ROBO1: variants seen among roughly 807,000 people sequenced by gnomAD.
The protein encoded by ROBO1 is roundabout guidance receptor 1, also known as roundabout homolog 1.
Under a neutral mutation model 195.9 loss-of-function variants are expected in ROBO1, and 149 were observed. That is an observed-to-expected ratio of 0.76 (90% confidence interval 0.67 to 0.87). ROBO1 has a LOEUF of 0.87. ROBO1 is among the 40% of genes least tolerant of loss of function. The probability of loss-of-function intolerance (pLI) is 0.00; values close to 1 mark genes in which losing one functional copy is unlikely to be tolerated. For synonymous variants in ROBO1, 816 were observed against 733.2 expected (o/e 1.11, Z -1.82); for missense variants, 1,933 against 2,068.3 (o/e 0.93, Z 1.27).
intron 2 of ROBO1, among the ~76,000 whole-genome samples, chr3:79,251,607 T>C (rs1397590617): frequency 6.6e-6 from 1 of 151,944 alleles, no homozygotes; most frequent in Non-Finnish European, 1.5e-5. Context: ...AAAAATTAGC[T>C]GGGCATGGTG....
chr3:79,223,312 CCT>C (rs2082173390), intron 2 of ROBO1, among the ~76,000 whole-genome samples: 1 of 152,068 alleles, frequency 6.6e-6, no homozygotes, highest in Admixed American at 6.6e-5. Flanking sequence ...TCTACGTTCC[CCT>C]CTTTTTCTTC....
Position 78,673,603 on chromosome 3 carries a change from TATAC to T in ROBO1, c.1343-3306_1343-3303del, listed in dbSNP as rs1553698999. On this transcript the variant is annotated intron_variant, in intron 10 of 30. Transcript: ENST00000464233. Reference sequence around the variant, plus strand: ...ATATATATATATATATATATATATATATACACACATATATTACAGCAGGGTTATA... The same window carrying T: ...ATATATATATATATATATATATATATACACATATATTACAGCAGGGTTATA... 9.7e-3 allele frequency among the ~76,000 whole-genome samples: 533 copies of T among 55,040 alleles called. 1 individual carries two copies. Among genetic ancestry groups the T allele is most frequent in the African/African-American group, 0.028 (383 of 13,552 alleles). The allele number at this position is 55,040 out of a possible 152,430, so 36.1% of individuals were successfully genotyped here. A position where few individuals can be genotyped will look rare whatever the true frequency, so the allele number is the denominator to read the frequency against.
At chr3:79,661,592 C>A (rs988696383) in intron 1 of ROBO1, among the ~76,000 whole-genome samples, 4 of 151,360 alleles carry the variant, frequency 2.6e-5, no homozygotes, top group Non-Finnish European at 5.9e-5. Context: ...TTCTTTCAAC[C>A]AAGTCGTCTT....
intron 4 of ROBO1, among the ~76,000 whole-genome samples, chr3:78,888,012 C>T (rs553746672): frequency 3.3e-5 from 5 of 152,216 alleles, no homozygotes; most frequent in Admixed American, 2.0e-4. Flanking sequence ...TCTTGTCTCA[C>T]GAGTGAAAAG....
intron 4 of ROBO1, among the ~76,000 whole-genome samples, chr3:78,860,139 G>GTAGA (rs766675007): frequency 0.28 from 40,191 of 141,756 alleles, 5,783 homozygotes; most frequent in African/African-American, 0.34. Flanking sequence ...AGGTAGATAG[G>GTAGA]TAGATAGATA....
At chr3:79,481,460 A>T (rs1938856091) in intron 2 of ROBO1, among the ~76,000 whole-genome samples, 1 of 152,176 alleles carries the variant, frequency 6.6e-6, no homozygotes, top group Non-Finnish European at 1.5e-5. Flanking sequence ...CTCTTTTGTG[A>T]CTATTATTTA....
Position 79,443,305 on chromosome 3 carries a change from G to GCTC in ROBO1, c.88+146516_88+146518dup, listed in dbSNP as rs149371185. ...GAGTTGTCATAAGAATTCACTCAGA[G>GCTC]CTCCAGCTGAAATACTCGGTCCTTT... On this transcript the variant is annotated intron_variant, in intron 2 of 30. Transcript: ENST00000464233. 1.2e-3 allele frequency among the ~76,000 whole-genome samples: 178 copies of GCTC among 152,244 alleles called. 2 individuals are homozygous for GCTC. In the East Asian group the frequency reaches 0.031, roughly 26 times the overall value.
chr3:79,024,110 A>G (rs1469889230), intron 3 of ROBO1, among the ~76,000 whole-genome samples: 3 of 152,152 alleles, frequency 2.0e-5, no homozygotes, highest in African/African-American at 7.2e-5. Flanking sequence ...ATTGCTCTGT[A>G]AGGCTTATTA....
chr3:79,447,395 T>A (rs1270112360), intron 2 of ROBO1, among the ~76,000 whole-genome samples: 1 of 152,040 alleles, frequency 6.6e-6, no homozygotes, highest in Non-Finnish European at 1.5e-5. Flanking sequence ...AAAACAAATG[T>A]CCGAAAATGG....
intron 2 of ROBO1, among the ~76,000 whole-genome samples, chr3:79,254,383 T>C (rs1004840707): frequency 6.6e-6 from 1 of 152,076 alleles, no homozygotes; most frequent in African/African-American, 2.4e-5. Flanking sequence ...TTTTGGGTAC[T>C]TCTCAATCTC....
At chr3:79,239,788 G>A (rs2082478575) in intron 2 of ROBO1, among the ~76,000 whole-genome samples, 1 of 152,062 alleles carries the variant, frequency 6.6e-6, no homozygotes, top group Admixed American at 6.6e-5. Flanking sequence ...GCTTAGCACA[G>A]CACTTAGTAT....
chr3:78,705,429 C>A (rs1575977984), intron 8 of ROBO1, among the ~76,000 whole-genome samples: 1 of 152,174 alleles, frequency 6.6e-6, no homozygotes, highest in East Asian at 1.9e-4. Context: ...TACATGTACA[C>A]TCATTTTTCA....
chr3:79,098,353 G>A (rs866318765), intron 3 of ROBO1, among the ~76,000 whole-genome samples: 1 of 151,758 alleles, frequency 6.6e-6, no homozygotes, highest in Non-Finnish European at 1.5e-5. Flanking sequence ...AGGAATTTTA[G>A]GAGCAATATG....
At chr3:79,391,982 G>A (rs747543733) in intron 2 of ROBO1, among the ~76,000 whole-genome samples, 5 of 152,102 alleles carry the variant, frequency 3.3e-5, no homozygotes, top group Non-Finnish European at 5.9e-5. Context: ...ATATAAAGAC[G>A]TGATGCCTTC....
At chr3:79,500,932 T>TTC (rs147188724) in intron 2 of ROBO1, among the ~76,000 whole-genome samples, 222 of 150,576 alleles carry the variant, frequency 1.5e-3, no homozygotes, top group Non-Finnish European at 2.1e-3. Context: ...CTAACTCTCT[T>TTC]TCTCTCTCTC....
At position 78,655,482 on chromosome 3, in the gene ROBO1, C is replaced by T. The variant is rs374367793; in HGVS notation, c.2614+1616G>A. 5.3e-5 allele frequency among the ~76,000 whole-genome samples: 8 copies of T among 152,272 alleles called. No homozygotes were observed. The East Asian group carries it at 1.4e-3, about 26-fold the overall frequency. On this transcript the variant is annotated intron_variant, in intron 18 of 30. Coordinates refer to ENST00000464233, the MANE Select transcript of ROBO1 (RefSeq NM_002941.4). ...CTTCAGAAGCCCCATGATAAAGAGG[C>T]TAACCCATCCGCCTATGATCCTCAA... is the stretch of plus-strand genomic sequence containing the variant.
chr3:79,033,993 C>A (rs1490709761), intron 3 of ROBO1, among the ~76,000 whole-genome samples: 2 of 152,060 alleles, frequency 1.3e-5, no homozygotes, highest in Admixed American at 6.6e-5. Context: ...AACTGTCAAT[C>A]CTTTCAAAAA....
At chr3:78,677,881 G>GCA (rs1708537232) in intron 10 of ROBO1, among the ~76,000 whole-genome samples, 1 of 151,338 alleles carries the variant, frequency 6.6e-6, no homozygotes, top group African/African-American at 2.4e-5. Flanking sequence ...ATTTTTTTCA[G>GCA]CACCACACCA....
At chr3:79,002,128 A>C (rs1024544740) in intron 3 of ROBO1, among the ~76,000 whole-genome samples, 1 of 152,100 alleles carries the variant, frequency 6.6e-6, no homozygotes, top group African/African-American at 2.4e-5. Flanking sequence ...GAATTCAAGG[A>C]AGGCCTCCCT....
Sources: gnomAD v4.1 joint callset for allele counts (sites outside exome capture counted in the v4.1 genomes callset) on GRCh38, gnomAD v4.1.1 for gene constraint, MANE v1.5 for transcripts, NCBI Gene and HGNC (gene_info 2026-07-23, HGNC 2026-07-21) for gene names.